The following MIA3 variants were observed in gnomAD, a reference collection of about 807,000 sequenced individuals.
The protein encoded by MIA3 is MIA SH3 domain ER export factor 3.
Under a neutral mutation model 192.4 loss-of-function variants are expected in MIA3, and 90 were observed. The ratio of observed to expected loss-of-function variants is 0.47; its 90% CI spans 0.39 to 0.56. The LOEUF (loss-of-function observed/expected upper bound fraction) is 0.56, where lower values mean the gene tolerates loss of function less well. MIA3 is among the 20% of genes least tolerant of loss of function. MIA3 has a pLI of 0.00. For synonymous variants in MIA3, 740 were observed against 792.8 expected, an observed-to-expected ratio of 0.93 and a Z score of 1.12; for missense variants, 2,123 against 2,269.4, an observed-to-expected ratio of 0.94 and a Z score of 1.31.
At chr1:222,663,830 TA>T in intron 26 of MIA3, 167 bp from the exon 27 acceptor site, 1 of 638,964 alleles carries the variant, frequency 1.6e-6, no homozygotes, top group Non-Finnish European at 2.7e-6. Flanking sequence ...TTAACCTTTC[TA>T]AGCTTGTCAG....
chr1:222,648,496 T>C (rs1284464837), intron 7 of MIA3, among the ~76,000 whole-genome samples: 1 of 152,192 alleles, frequency 6.6e-6, no homozygotes, highest in Non-Finnish European at 1.5e-5. Context: ...CGTTAATATA[T>C]TTATTACAAA....
chr1:222,631,899 T>C (rs1488994637), intron 4 of MIA3, among the ~76,000 whole-genome samples: 1 of 152,252 alleles, frequency 6.6e-6, no homozygotes, highest in Non-Finnish European at 1.5e-5. Context: ...GGGTGTAGGC[T>C]GATTTGCCAA....
chr1:222,654,904 T>C, intron 18 of MIA3, 111 bp downstream of exon 18: 2 of 952,190 alleles, frequency 2.1e-6, no homozygotes, highest in South Asian at 3.6e-5. Flanking sequence ...GCATCTGTAA[T>C]TAGTATAAAT....
chr1:222,632,677 G>A (rs1265922649), intron 5 of MIA3, among the ~76,000 whole-genome samples: 1 of 152,178 alleles, frequency 6.6e-6, no homozygotes, highest in Non-Finnish European at 1.5e-5. Context: ...TGTTTAACAA[G>A]CCCTCCAGGA....
Position 222,645,664 on chromosome 1 carries a change from C to T in MIA3, c.3588C>T (p.Phe1196=), listed in dbSNP as rs759851907. 1.9e-6 allele frequency: 3 copies of T among 1,613,842 alleles called. No homozygotes were observed. The South Asian group carries it at 3.3e-5, about 18-fold the overall frequency. ...AFLGIASFAI[F]LWRTVLVVKD... Reference sequence around the variant, plus strand: ...TGGGAATTGCTTCGTTTGCCATTTTCTTATGGAGAACTGTCCTTGTTGTGA... The same window carrying T: ...TGGGAATTGCTTCGTTTGCCATTTTTTTATGGAGAACTGTCCTTGTTGTGA... Residue 1196 remains phenylalanine (F), a synonymous_variant, in exon 7 of 28, where the codon TTC becomes TTT. Coordinates refer to ENST00000344922, the MANE Select transcript of MIA3 (RefSeq NM_198551.4).
chr1:222,635,968 C>A (rs1266997199), intron 6 of MIA3, among the ~76,000 whole-genome samples: 1 of 152,166 alleles, frequency 6.6e-6, no homozygotes, highest in Admixed American at 6.5e-5. Flanking sequence ...ATCTAGTTTT[C>A]TTTTTACATA....
intron 24 of MIA3, among the ~76,000 whole-genome samples, chr1:222,661,777 A>T (rs915226089): frequency 6.6e-6 from 1 of 152,212 alleles, no homozygotes; most frequent in Non-Finnish European, 1.5e-5. Flanking sequence ...ATATACACTG[A>T]ACAAAAATCA....
At chr1:222,661,907 T>C in intron 24 of MIA3, 149 bp from the exon 25 acceptor site, 1 of 623,394 alleles carries the variant, frequency 1.6e-6, no homozygotes, top group Non-Finnish European at 2.8e-6. Flanking sequence ...TTTAAGTCCG[T>C]GCATAAATTG....
At chr1:222,650,257 A>G (rs1254710748) in intron 8 of MIA3, 35 bp from the exon 9 acceptor site, 3 of 1,212,644 alleles carry the variant, frequency 2.5e-6, no homozygotes, top group African/African-American at 3.0e-5. Flanking sequence ...TCATTTAGTG[A>G]TCATAATAAC....
At chr1:222,648,296 A>G (rs1438937866) in intron 7 of MIA3, among the ~76,000 whole-genome samples, 1 of 152,160 alleles carries the variant, frequency 6.6e-6, no homozygotes, top group African/African-American at 2.4e-5. Context: ...CATTATTTTT[A>G]AATTCAGCCA....
intron 6 of MIA3, chr1:222,644,412 GA>G (rs1226580119): frequency 1.5e-5 from 23 of 1,543,976 alleles, no homozygotes; most frequent in Non-Finnish European, 2.0e-5. Flanking sequence ...AGGAAGCTCT[GA>G]AAAACAGGGG....
Position 222,651,973 on chromosome 1 carries a change from G to T in MIA3, c.3910-4G>T. ...GCATTTTGTGTTCTGTTTTTACATGGCAGATATCAGAAAACAAGAAATCTA... is the reference window on the plus strand; with the variant it reads ...GCATTTTGTGTTCTGTTTTTACATGTCAGATATCAGAAAACAAGAAATCTA... On this transcript the variant is annotated splice_region_variant and splice_polypyrimidine_tract_variant and intron_variant, in intron 11 of 27. Transcript: ENST00000344922. The T allele has an allele frequency of 6.7e-7, 1 of 1,500,740 alleles. No individual in the cohort carries two copies. The highest frequency in any genetic ancestry group is 9.3e-7 in the Non-Finnish European group (1 of 1,077,810). 93.0% of individuals were successfully genotyped at this position (1,500,740 alleles called of 1,614,324 possible).
At chr1:222,622,370 G>A (rs1191906493) in intron 2 of MIA3, among the ~76,000 whole-genome samples, 3 of 152,204 alleles carry the variant, frequency 2.0e-5, no homozygotes, top group African/African-American at 4.8e-5. Flanking sequence ...TTTACTTCAA[G>A]TAGTAAGGGT....
At chr1:222,652,463 A>C in intron 13 of MIA3, 131 bp downstream of exon 13, 1 of 649,952 alleles carries the variant, frequency 1.5e-6, no homozygotes, top group East Asian at 2.7e-5. Context: ...TGCAAAGTTT[A>C]AACTATGCTT....
intron 7 of MIA3, chr1:222,647,973 G>C (rs1663234401): frequency 2.9e-6 from 1 of 341,976 alleles, no homozygotes; most frequent in South Asian, 2.2e-5. Context: ...TATATTTACT[G>C]AGCTTATGGA....
intron 7 of MIA3, among the ~76,000 whole-genome samples, chr1:222,646,712 C>T (rs967381639): frequency 2.0e-5 from 3 of 152,042 alleles, no homozygotes; most frequent in Non-Finnish European, 2.9e-5. Flanking sequence ...CCAGCCTAGG[C>T]GACAAAGTGA....
intron 12 of MIA3, 43 bp downstream of exon 12, chr1:222,652,091 A>C (rs753586755): frequency 4.5e-6 from 6 of 1,345,042 alleles, no homozygotes; most frequent in Non-Finnish European, 6.4e-6. Context: ...ATACTATATC[A>C]TAGTTTGATT....
intron 6 of MIA3, among the ~76,000 whole-genome samples, chr1:222,642,488 A>G (rs1340297261): frequency 4.6e-5 from 7 of 152,058 alleles, no homozygotes; most frequent in Admixed American, 1.3e-4. Context: ...GTCTTTTGTT[A>G]TAAGTAATGC....
At position 222,628,329 on chromosome 1, in the gene MIA3, CT is replaced by C. The variant is rs1662217778; in HGVS notation, c.1110del (p.Gly371AlafsTer10). ...GACAAGGTTCAGCTAACTGTGCCCC[CT>C]GGCATCAAAAATGATGATAAAAATA... ...EEDKVQLTVPPGIKNDDKNIL... is the reference protein window; with the variant it reads ...EEDKVQLTVPXGIKNDDKNIL... On this transcript the variant is annotated frameshift_variant, in exon 4 of 28. Transcript: ENST00000344922. LOFTEE classifies it high-confidence loss of function. The C allele has an allele frequency of 6.2e-7, 1 of 1,613,578 alleles. No homozygotes were observed. Among genetic ancestry groups the C allele is most frequent in the South Asian group, 1.1e-5 (1 of 90,938 alleles).
Sources: allele counts gnomAD v4.1 joint callset (sites outside exome capture counted in the v4.1 genomes callset), GRCh38; gene constraint gnomAD v4.1.1; transcripts MANE v1.5; gene names NCBI Gene and HGNC (gene_info 2026-07-23, HGNC 2026-07-21).